Variants in ADH1B observed in about 807,000 individuals in gnomAD.
ADH1B encodes alcohol dehydrogenase 1B (class I), beta polypeptide, also known as all-trans-retinol dehydrogenase [NAD(+)] ADH1B.
In ADH1B, 29 loss-of-function variants were observed where a neutral mutation model predicts 34.6. That is an observed-to-expected ratio of 0.84 (90% CI 0.62 to 1.14). The LOEUF is 1.14. Ranked by LOEUF, ADH1B falls within the 50% of genes most tolerant of loss-of-function variation. The pLI is 0.00. For missense variants in ADH1B, 424 were observed against 468.4 expected (o/e 0.91, Z 0.87); for synonymous variants, 170 against 175.5 (o/e 0.97, Z 0.25).
At chr4:99,314,320 CA>C in intron 5 of ADH1B, 2 of 646,146 alleles carry the variant, frequency 3.1e-6, no homozygotes, top group Non-Finnish European at 5.1e-6. Flanking sequence ...CAAAATATCC[CA>C]CAGTCCAGGT....
At chr4:99,316,358 A>G in intron 3 of ADH1B, 56 bp from the exon 4 acceptor site, 1 of 1,519,314 alleles carries the variant, frequency 6.6e-7, no homozygotes, top group Non-Finnish European at 9.1e-7. Flanking sequence ...TTAATAGAGC[A>G]AAGACTTAAA....
chr4:99,313,643 T>G, intron 6 of ADH1B, 178 bp downstream of exon 6: 1 of 1,209,722 alleles, frequency 8.3e-7, no homozygotes, highest in Non-Finnish European at 1.1e-6. Flanking sequence ...GTTTGGGTAA[T>G]TGATGGAAGA....
rs1452366447 is a variant in ADH1B, at chr4:99,319,172, G to A, written c.19-286C>T. 2.8e-5 allele frequency: 13 copies of A among 464,010 alleles called. No individual in the cohort carries two copies. The East Asian group carries it at 3.9e-4, about 14-fold the overall frequency. The allele number at this position is 464,010 out of a possible 1,614,324, so 28.7% of individuals were successfully genotyped here. A position where few individuals can be genotyped will look rare whatever the true frequency, so the allele number is the denominator to read the frequency against. On this transcript the variant is annotated intron_variant, in intron 1 of 8. Coordinates refer to ENST00000305046, the MANE Select transcript of ADH1B (RefSeq NM_000668.6). Reference sequence around the variant, plus strand: ...TTTTCTCTGAAGGTGTTTATTCCTGGTATTTCCTAATGCCGTCCTGAAAAT... The same window carrying A: ...TTTTCTCTGAAGGTGTTTATTCCTGATATTTCCTAATGCCGTCCTGAAAAT...
intron 6 of ADH1B, among the ~76,000 whole-genome samples, chr4:99,311,952 A>T (rs1242096030): frequency 1.3e-5 from 2 of 152,212 alleles, no homozygotes; most frequent in Non-Finnish European, 2.9e-5. Flanking sequence ...GGTGAACAAG[A>T]TAAACAATTA....
rs561163245 is a variant in ADH1B, at chr4:99,314,286, A to G, written c.568-205T>C. On this transcript the variant is annotated intron_variant, in intron 5 of 8. Coordinates refer to ENST00000305046, the MANE Select transcript of ADH1B (RefSeq NM_000668.6). ...TTGAGTGGTTTTCAAACTGATGCATATTAGATTCATCTGGGGAGCTTTACA... is the reference window on the plus strand; with the variant it reads ...TTGAGTGGTTTTCAAACTGATGCATGTTAGATTCATCTGGGGAGCTTTACA... 3.8e-6 allele frequency: 3 copies of G among 788,294 alleles called. No homozygotes were observed. In the South Asian group the frequency reaches 5.8e-5, roughly 15 times the overall value. 48.8% of individuals were successfully genotyped at this position (788,294 alleles called of 1,614,324 possible).
chr4:99,315,799 A>G, intron 5 of ADH1B, 99 bp downstream of exon 5: 1 of 1,487,446 alleles, frequency 6.7e-7, no homozygotes, highest in South Asian at 1.2e-5. Flanking sequence ...GACACTTTAA[A>G]TCTACAAAAA....
intron 8 of ADH1B, among the ~76,000 whole-genome samples, chr4:99,309,919 C>T (rs7673353): frequency 0.044 from 6,709 of 151,902 alleles, 489 homozygotes; most frequent in African/African-American, 0.15. Flanking sequence ...AGAATGTTGT[C>T]GGTTAAAGTA....
chr4:99,311,299 T>C (rs1733748178), intron 7 of ADH1B, among the ~76,000 whole-genome samples: 1 of 152,198 alleles, frequency 6.6e-6, no homozygotes, highest in Non-Finnish European at 1.5e-5. Context: ...TGGGTTATGG[T>C]GACAACAGAA....
At position 99,313,856 on chromosome 4, in the gene ADH1B, A is replaced by G; in HGVS notation, c.793T>C (p.Phe265Leu). 1 of 1,613,996 alleles carries G rather than the reference A, an allele frequency of 6.2e-7. No homozygotes were observed. Among genetic ancestry groups the G allele is most frequent in the South Asian group, 1.1e-5 (1 of 91,076 alleles). Residue 265 changes from phenylalanine (F) to leucine (L), a missense_variant, in exon 6 of 9, where the codon TTT becomes CTT. Physicochemically the swap from Phe to Leu is conservative, Grantham distance 22. Transcript: ENST00000305046. ...AGCCGACCGATGACTTCAAACGAAAAATCCACACCTCCATCAGTCATTTCC... is the reference window on the plus strand; with the variant it reads ...AGCCGACCGATGACTTCAAACGAAAGATCCACACCTCCATCAGTCATTTCC... ...LKEMTDGGVDFSFEVIGRLDT... is the reference protein window; with the variant it reads ...LKEMTDGGVDLSFEVIGRLDT...
At chr4:99,313,744 A>G in intron 6 of ADH1B, 77 bp downstream of exon 6, 1 of 1,610,604 alleles carries the variant, frequency 6.2e-7, no homozygotes, top group South Asian at 1.1e-5. Context: ...CTTTATACAT[A>G]AAACATATAT....
intron 8 of ADH1B, among the ~76,000 whole-genome samples, chr4:99,309,069 A>C (rs556187032): frequency 2.0e-5 from 3 of 152,182 alleles, no homozygotes; most frequent in Admixed American, 6.5e-5. Context: ...CATCATGAGA[A>C]TATCCCAATG....
At chr4:99,318,388 A>G in intron 2 of ADH1B, 1 of 636,946 alleles carries the variant, frequency 1.6e-6, no homozygotes, top group Non-Finnish European at 2.6e-6. Flanking sequence ...CTTGAATTAA[A>G]CAATTTAGAA....
At chr4:99,312,159 C>T (rs960062818) in intron 6 of ADH1B, among the ~76,000 whole-genome samples, 1 of 152,102 alleles carries the variant, frequency 6.6e-6, no homozygotes, top group Admixed American at 6.5e-5. Context: ...CCAGTCAGTT[C>T]TTGGAACATG....
Position 99,310,911 on chromosome 4 carries a change from G to T in ADH1B, c.965-8C>A, listed in dbSNP as rs761590002. ...CTTCTTTACTCTTAAAGCCTGAAAA[G>T]AAGACAGTATCATTGTTGGATTCAG... On this transcript the variant is annotated splice_polypyrimidine_tract_variant and splice_region_variant and intron_variant, in intron 7 of 8. Transcript: ENST00000305046. 4 of 1,611,508 alleles carry T rather than the reference G, an allele frequency of 2.5e-6. No homozygotes were observed. The Admixed American group carries it at 6.7e-5, about 27-fold the overall frequency.
intron 2 of ADH1B, 93 bp downstream of exon 2, chr4:99,318,692 T>C: frequency 8.6e-7 from 1 of 1,165,726 alleles, no homozygotes; most frequent in Middle Eastern, 2.9e-4. Context: ...TCATATAAGA[T>C]ATGCCTCTTA....
chr4:99,317,863 A>C lies in ADH1B; in HGVS notation c.259+183T>G, dbSNP rs1294497195. The C allele has an allele frequency of 6.3e-5, 57 of 906,868 alleles. 1 individual carries two copies. The highest frequency in any genetic ancestry group is 3.7e-5 in the Non-Finnish European group (22 of 596,432). 56.2% of individuals were successfully genotyped at this position (906,868 alleles called of 1,614,324 possible). ...TAATGGTTGAAGGGTACAATACATG[A>C]GTGCCTGAATGCATACATGCTTGGG... is the stretch of plus-strand genomic sequence containing the variant. On this transcript the variant is annotated intron_variant, in intron 3 of 8. Transcript: ENST00000305046.
chr4:99,313,719 A>G (rs1031333865), intron 6 of ADH1B, 102 bp downstream of exon 6: 385 of 1,571,006 alleles, frequency 2.5e-4, no homozygotes, highest in Non-Finnish European at 3.1e-4. Context: ...ATTTCCATTC[A>G]TCATTAAAAA....
chr4:99,317,499 C>T (rs1733916067), intron 3 of ADH1B: 1 of 152,226 alleles, frequency 6.6e-6, no homozygotes, highest in Non-Finnish European at 1.5e-5. Context: ...TTCACCTAGC[C>T]TGTTTCATTG....
chr4:99,305,262 C>T lies in ADH1B; in HGVS notation c.*2578G>A, dbSNP rs1733571378. 1.3e-5 allele frequency: 2 copies of T among 150,782 alleles called. No individual in the cohort carries two copies. The highest frequency in any genetic ancestry group is 2.4e-5 in the African/African-American group (1 of 40,982). The allele number at this position is 150,782 out of a possible 1,614,324, so 9.3% of individuals were successfully genotyped here. A position where few individuals can be genotyped will look rare whatever the true frequency, so the allele number is the denominator to read the frequency against. ...AGAATTTGAAATTTTTCTCCATGCT[C>T]AGAATTTCATTTTAAATATGTTCGT... On this transcript the variant is annotated 3_prime_UTR_variant, in exon 9 of 9. Coordinates refer to ENST00000305046, the MANE Select transcript of ADH1B (RefSeq NM_000668.6).
Sources: allele counts gnomAD v4.1 joint callset (sites outside exome capture counted in the v4.1 genomes callset), GRCh38; gene constraint gnomAD v4.1.1; transcripts MANE v1.5; gene names NCBI Gene and HGNC (gene_info 2026-07-23, HGNC 2026-07-21).